Variants in STAG1 observed in about 807,000 individuals in gnomAD.
STAG1 encodes the protein cohesin subunit SA-1.
Under a neutral mutation model 170.9 loss-of-function variants are expected in STAG1, and 26 were observed. The ratio of observed to expected loss-of-function variants is 0.15; its 90% CI spans 0.11 to 0.21. The LOEUF (loss-of-function observed/expected upper bound fraction) is 0.21, where lower values mean the gene tolerates loss of function less well. Ranked by LOEUF, STAG1 falls within the 10% of genes least tolerant of loss-of-function variation. The pLI, the probability that STAG1 is intolerant of heterozygous loss-of-function variation, is 1.00. For synonymous variants in STAG1, 514 were observed against 497.7 expected (o/e 1.03, Z -0.44); for missense variants, 964 against 1,509.5 (o/e 0.64, Z 5.99).
At chr3:136,464,748 T>C in intron 13 of STAG1, 133 bp downstream of exon 13, 1 of 654,826 alleles carries the variant, frequency 1.5e-6, no homozygotes, top group African/African-American at 1.8e-5. Flanking sequence ...TGTGAGGCTG[T>C]TATAGCCCCT....
intron 4 of STAG1, among the ~76,000 whole-genome samples, chr3:136,570,108 C>A (rs1323434472): frequency 6.6e-6 from 1 of 151,924 alleles, no homozygotes; most frequent in Non-Finnish European, 1.5e-5. Context: ...TCCTGTTATA[C>A]CTTAATTTTT....
chr3:136,605,039 CA>C (rs1319225100), intron 3 of STAG1, among the ~76,000 whole-genome samples: 11 of 152,304 alleles, frequency 7.2e-5, no homozygotes, highest in African/African-American at 2.4e-4. Context: ...TTTCCTTCTG[CA>C]TACATTCATT....
chr3:136,644,375 T>C (rs1940918200), intron 1 of STAG1, among the ~76,000 whole-genome samples: 1 of 152,220 alleles, frequency 6.6e-6, no homozygotes, highest in Admixed American at 6.5e-5. Context: ...CACTGCTCAC[T>C]GGAGCACCAT....
At position 136,371,206 on chromosome 3, in the gene STAG1, G is replaced by A. The variant is rs145922637; in HGVS notation, c.2371-1924C>T. Among the ~76,000 whole-genome samples, 1,144 of 152,090 alleles carry A rather than the reference G, an allele frequency of 7.5e-3. 17 individuals are homozygous for A. The highest frequency in any genetic ancestry group is 0.026 in the African/African-American group (1,092 of 41,514). On this transcript the variant is annotated intron_variant, in intron 23 of 33. Coordinates refer to ENST00000383202, the MANE Select transcript of STAG1 (RefSeq NM_005862.3). ...CCTTTGTCCACTTTTTGATGTGGTTGTTTTTTTCTTGTAAATCTGTCTGAG... is the reference window on the plus strand; with the variant it reads ...CCTTTGTCCACTTTTTGATGTGGTTATTTTTTTCTTGTAAATCTGTCTGAG...
intron 9 of STAG1, among the ~76,000 whole-genome samples, chr3:136,486,165 T>C (rs6768743): frequency 0.19 from 28,602 of 152,218 alleles, 3,086 homozygotes; most frequent in Non-Finnish European, 0.24. Flanking sequence ...TTCTTGAAGC[T>C]ACTGTGTACC....
At chr3:136,670,282 G>A (rs147493318) in intron 1 of STAG1, among the ~76,000 whole-genome samples, 1 of 152,246 alleles carries the variant, frequency 6.6e-6, no homozygotes, top group East Asian at 1.9e-4. Context: ...ATGAAGCCAA[G>A]GTCACAAGTG....
At chr3:136,424,045 T>G (rs1214886303) in intron 16 of STAG1, among the ~76,000 whole-genome samples, 1 of 151,904 alleles carries the variant, frequency 6.6e-6, no homozygotes, top group Non-Finnish European at 1.5e-5. Flanking sequence ...TGTATTTTTG[T>G]AGAGATGGGG....
chr3:136,453,990 T>C (rs1480746944), intron 13 of STAG1, among the ~76,000 whole-genome samples: 2 of 152,086 alleles, frequency 1.3e-5, no homozygotes. Context: ...GCTATATCTA[T>C]AATCTATATA....
intron 33 of STAG1, 21 bp from the exon 34 acceptor site, chr3:136,338,298 A>ATAAT (rs1560041567): frequency 6.2e-7 from 1 of 1,601,010 alleles, no homozygotes; most frequent in Non-Finnish European, 8.6e-7. Context: ...GATGAGAAAC[A>ATAAT]TAATTATTAA....
intron 1 of STAG1, among the ~76,000 whole-genome samples, chr3:136,740,587 C>A (rs1934612063): frequency 1.3e-5 from 2 of 152,088 alleles, no homozygotes; most frequent in Admixed American, 1.3e-4. Flanking sequence ...CTCAAACTAT[C>A]CTCTGCCTCA....
intron 15 of STAG1, among the ~76,000 whole-genome samples, chr3:136,441,787 A>G (rs1032761901): frequency 6.6e-6 from 1 of 152,192 alleles, no homozygotes; most frequent in Non-Finnish European, 1.5e-5. Context: ...CTTAATCTTC[A>G]CAGCTATATA....
At chr3:136,641,691 G>A (rs1370977412) in intron 1 of STAG1, among the ~76,000 whole-genome samples, 1 of 152,178 alleles carries the variant, frequency 6.6e-6, no homozygotes, top group East Asian at 1.9e-4. Context: ...AACTAAACTC[G>A]TGTGATCACA....
chr3:136,640,207 T>C (rs963765159), intron 1 of STAG1, among the ~76,000 whole-genome samples: 1 of 152,214 alleles, frequency 6.6e-6, no homozygotes, highest in Non-Finnish European at 1.5e-5. Flanking sequence ...TAGTGGTTCA[T>C]TATTTTGTTG....
intron 22 of STAG1, among the ~76,000 whole-genome samples, chr3:136,389,667 G>A (rs1285177086): frequency 6.6e-6 from 1 of 151,804 alleles, no homozygotes; most frequent in Non-Finnish European, 1.5e-5. Context: ...TTACAGGCGT[G>A]TGCCACCACA....
At chr3:136,578,658 T>C (rs1343856811) in intron 4 of STAG1, among the ~76,000 whole-genome samples, 3 of 152,232 alleles carry the variant, frequency 2.0e-5, no homozygotes, top group Non-Finnish European at 2.9e-5. Context: ...CATGTATTAA[T>C]AGACACTGTC....
chr3:136,494,248 G>A (rs903694725), intron 9 of STAG1, among the ~76,000 whole-genome samples: 1 of 152,152 alleles, frequency 6.6e-6, no homozygotes, highest in Non-Finnish European at 1.5e-5. Context: ...TCCAGGCAGG[G>A]TGACAGACAG....
At position 136,516,679 on chromosome 3, in the gene STAG1, T is replaced by C. The variant is rs1018035214; in HGVS notation, c.676+4534A>G. Among the ~76,000 whole-genome samples the C allele has an allele frequency of 2.6e-5, 4 of 152,134 alleles. No homozygotes were observed. The South Asian group carries it at 8.3e-4, about 32-fold the overall frequency. Reference sequence around the variant, plus strand: ...AATCAATAAATTCTGAGTAAAACCATAAAGGAAGGGAAATATTGGCAAATA... The same window carrying C: ...AATCAATAAATTCTGAGTAAAACCACAAAGGAAGGGAAATATTGGCAAATA... On this transcript the variant is annotated intron_variant, in intron 7 of 33. Coordinates refer to ENST00000383202, the MANE Select transcript of STAG1 (RefSeq NM_005862.3).
chr3:136,666,676 A>G (rs1357960060), intron 1 of STAG1, among the ~76,000 whole-genome samples: 1 of 151,940 alleles, frequency 6.6e-6, no homozygotes, highest in Non-Finnish European at 1.5e-5. Flanking sequence ...AAAAATTAGC[A>G]AGGCATGGTG....
At chr3:136,724,006 C>T (rs963765636) in intron 1 of STAG1, among the ~76,000 whole-genome samples, 1 of 150,906 alleles carries the variant, frequency 6.6e-6, no homozygotes, top group African/African-American at 2.4e-5. Context: ...GCACAGCCAG[C>T]CGCCCCGTCC....
Sources: gnomAD v4.1 joint callset for allele counts (sites outside exome capture counted in the v4.1 genomes callset) on GRCh38, gnomAD v4.1.1 for gene constraint, MANE v1.5 for transcripts, NCBI Gene and HGNC (gene_info 2026-07-23, HGNC 2026-07-21) for gene names.